GORASP2: variants seen among roughly 807,000 people sequenced by gnomAD.
GORASP2 encodes Golgi reassembly-stacking protein 2.
In GORASP2, 22 loss-of-function variants were observed where a neutral mutation model predicts 45.7. The ratio of observed to expected loss-of-function variants is 0.48; its 90% CI spans 0.34 to 0.69. The LOEUF (loss-of-function observed/expected upper bound fraction) is 0.69, where lower values mean the gene tolerates loss of function less well. Among genes scored for constraint, GORASP2 ranks in the 30% least tolerant of loss-of-function variants. The pLI, the probability that GORASP2 is intolerant of heterozygous loss-of-function variation, is 0.01. For synonymous variants in GORASP2, 221 were observed against 215.6 expected, an observed-to-expected ratio of 1.02 and a Z score of -0.22; for missense variants, 491 against 562.7, an observed-to-expected ratio of 0.87 and a Z score of 1.29.
intron 1 of GORASP2, 52 bp downstream of exon 1, chr2:170,929,455 C>T: frequency 7.8e-7 from 1 of 1,274,012 alleles, no homozygotes; most frequent in Non-Finnish European, 1.0e-6. Context: ...CGGGGCCGGC[C>T]GCGGGGAGGC....
chr2:170,931,848 G>T (rs1171049653), intron 1 of GORASP2, among the ~76,000 whole-genome samples: 2 of 152,116 alleles, frequency 1.3e-5, no homozygotes, highest in Non-Finnish European at 2.9e-5. Context: ...TGATCATATT[G>T]TGTACCCAAC....
At chr2:170,964,514 A>G (rs938442279) in intron 9 of GORASP2, among the ~76,000 whole-genome samples, 5 of 152,154 alleles carry the variant, frequency 3.3e-5, no homozygotes, top group Non-Finnish European at 7.4e-5. Flanking sequence ...GTAGCTGGGC[A>G]TGGTGGCAGG....
At chr2:170,939,749 A>G (rs926014911) in intron 1 of GORASP2, among the ~76,000 whole-genome samples, 7 of 152,146 alleles carry the variant, frequency 4.6e-5, no homozygotes, top group African/African-American at 1.7e-4. Context: ...GATAACAGGG[A>G]CTACTATAGC....
intron 1 of GORASP2, among the ~76,000 whole-genome samples, chr2:170,943,172 G>A (rs1234648716): frequency 1.3e-5 from 2 of 152,138 alleles, no homozygotes; most frequent in East Asian, 1.9e-4. Context: ...TTTCTCTACA[G>A]CGTTTATTGT....
chr2:170,929,077 A>G (rs919427864), upstream of GORASP2: 2 of 376,414 alleles, frequency 5.3e-6, no homozygotes, highest in East Asian at 3.9e-5. Flanking sequence ...GGTGCCTCCC[A>G]GTCCTCCTCC....
At chr2:170,964,006 AT>A (rs762387662) in intron 9 of GORASP2, among the ~76,000 whole-genome samples, 9 of 152,192 alleles carry the variant, frequency 5.9e-5, no homozygotes, top group Non-Finnish European at 1.0e-4. Flanking sequence ...ATTCTCCATT[AT>A]TTACAAATGC....
rs557375664 is a variant in GORASP2, at chr2:170,961,752, A to G, written c.910+3A>G. 2.0e-6 allele frequency: 3 copies of G among 1,466,758 alleles called. No homozygotes were observed. Among genetic ancestry groups the G allele is most frequent in the Admixed American group, 3.3e-5 (2 of 59,838 alleles). The allele number at this position is 1,466,758 out of a possible 1,614,324, so 90.9% of individuals were successfully genotyped here. On this transcript the variant is annotated splice_donor_region_variant and intron_variant, in intron 8 of 9. Coordinates refer to ENST00000234160, the MANE Select transcript of GORASP2 (RefSeq NM_015530.5). ...GAATCCAGCTACTACATTACCAGGT[A>G]ACCACCAGGGGACTAGAGATGTGGC...
Position 170,966,304 on chromosome 2 carries a change from G to T in GORASP2, c.*174G>T. The stretch of plus-strand genomic sequence containing the variant: ...GGTTGTATCCTGCCAGGTTGAGTGG[G>T]GCTCACACGCTAGGGTGAGATGTCA... On this transcript the variant is annotated 3_prime_UTR_variant, in exon 10 of 10. Coordinates refer to ENST00000234160, the MANE Select transcript of GORASP2 (RefSeq NM_015530.5). The T allele has an allele frequency of 1.6e-6, 1 of 611,940 alleles. No individual in the cohort carries two copies. The allele number at this position is 611,940 out of a possible 1,614,324, so 37.9% of individuals were successfully genotyped here.
rs766142890 is a variant in GORASP2 at position 170,962,847 on chromosome 2, C to A, written c.919C>A (p.Pro307Thr). ...TTCTGCCTTCTCTTCAGGTCTGATGCCTTTACCAGCAGGACTGCCCAACCT... is the reference window on the plus strand; with the variant it reads ...TTCTGCCTTCTCTTCAGGTCTGATGACTTTACCAGCAGGACTGCCCAACCT... Reference protein sequence around the residue: ...NPATTLPGLMPLPAGLPNLPN... With the variant: ...NPATTLPGLMTLPAGLPNLPN... Residue 307 changes from proline (P) to threonine (T), a missense_variant, in exon 9 of 10, where the codon CCT becomes ACT. By Grantham distance (38) the Pro-to-Thr change is conservative (BLOSUM62 -1). Coordinates refer to ENST00000234160, the MANE Select transcript of GORASP2 (RefSeq NM_015530.5). The A allele has an allele frequency of 5.6e-6, 9 of 1,610,132 alleles. No homozygotes were observed. Among genetic ancestry groups the A allele is most frequent in the Non-Finnish European group, 7.6e-6 (9 of 1,176,556 alleles).
chr2:170,938,658 A>G (rs966659710), intron 1 of GORASP2, among the ~76,000 whole-genome samples: 1 of 152,186 alleles, frequency 6.6e-6, no homozygotes, highest in Non-Finnish European at 1.5e-5. Flanking sequence ...GACTTATTTC[A>G]TGGTGGGTCA....
intron 5 of GORASP2, 155 bp from the exon 6 acceptor site, chr2:170,954,495 G>C (rs1310271600): frequency 3.3e-6 from 2 of 613,422 alleles, no homozygotes; most frequent in Admixed American, 6.1e-5. Flanking sequence ...ATAGAAATTT[G>C]TTTGTTTTTA....
chr2:170,960,002 G>A (rs923657182), intron 7 of GORASP2, among the ~76,000 whole-genome samples: 1 of 151,774 alleles, frequency 6.6e-6, no homozygotes, highest in Non-Finnish European at 1.5e-5. Flanking sequence ...TGTATTTTTA[G>A]TAGAGACAGG....
At chr2:170,943,625 C>G (rs931314525) in intron 1 of GORASP2, among the ~76,000 whole-genome samples, 2 of 152,176 alleles carry the variant, frequency 1.3e-5, no homozygotes, top group South Asian at 4.1e-4. Flanking sequence ...CTCAGTCTGG[C>G]TCTAAAAGTC....
In GORASP2 at chr2:170,966,004, T is replaced by G. The variant is rs1172062963; in HGVS notation, c.1233T>G (p.Thr411=). The G allele has an allele frequency of 3.7e-6, 6 of 1,613,800 alleles. No individual in the cohort carries two copies. Among genetic ancestry groups the G allele is most frequent in the Non-Finnish European group, 5.1e-6 (6 of 1,179,888 alleles). ...AGGCAGACGCTGCCTCCTCACTCAC[T>G]GTGGATGTGACGCCCCCCACTGCCA... ...TAKADAASSL[T]VDVTPPTAKA... is the part of the protein sequence containing the mutation. Residue 411 remains threonine (T), a synonymous_variant, in exon 10 of 10, where the codon ACT becomes ACG. Transcript: ENST00000234160.
rs16859055 is a variant in GORASP2, at chr2:170,929,280, C to A, written c.-61C>A. On this transcript the variant is annotated 5_prime_UTR_variant, in exon 1 of 10. Transcript: ENST00000234160. ...GTGCTACGCGGAGGATTAGAGCAGG[C>A]GGTGCGCTGGGGGCGGGAGCAGCGC... The A allele has an allele frequency of 3.9e-5, 48 of 1,245,646 alleles. No homozygotes were observed. The East Asian group carries it at 1.4e-3, about 36-fold the overall frequency. The allele number at this position is 1,245,646 out of a possible 1,614,324, so 77.2% of individuals were successfully genotyped here.
chr2:170,938,278 A>G (rs1703999697), intron 1 of GORASP2, among the ~76,000 whole-genome samples: 2 of 152,262 alleles, frequency 1.3e-5, no homozygotes, highest in Admixed American at 6.5e-5. Flanking sequence ...AATACTAGCT[A>G]AAATATACTA....
intron 1 of GORASP2, among the ~76,000 whole-genome samples, chr2:170,944,115 T>C (rs1395473940): frequency 6.6e-6 from 1 of 152,200 alleles, no homozygotes; most frequent in African/African-American, 2.4e-5. Context: ...CGAAGATAAA[T>C]TAATAATCAG....
At chr2:170,949,405 T>G (rs971615563) in intron 2 of GORASP2, 134 bp from the exon 3 acceptor site, 18 of 635,260 alleles carry the variant, frequency 2.8e-5, no homozygotes, top group Non-Finnish European at 4.3e-5. Flanking sequence ...AGAAGAAAAT[T>G]TAAATGTTGG....
At chr2:170,957,360 T>A (rs538490523) in intron 7 of GORASP2, among the ~76,000 whole-genome samples, 5 of 152,158 alleles carry the variant, frequency 3.3e-5, no homozygotes, top group Non-Finnish European at 5.9e-5. Flanking sequence ...CACTGCAACC[T>A]CTGCCTCCCG....
Sources: allele counts gnomAD v4.1 joint callset (sites outside exome capture counted in the v4.1 genomes callset), GRCh38; gene constraint gnomAD v4.1.1; transcripts MANE v1.5; gene names NCBI Gene and HGNC (gene_info 2026-07-23, HGNC 2026-07-21).